Variants in SCAPER observed in about 807,000 individuals in gnomAD.
SCAPER encodes the protein S phase cyclin A-associated protein in the endoplasmic reticulum.
Under a neutral mutation model 182.2 loss-of-function variants are expected in SCAPER, and 98 were observed. The observed-to-expected ratio is 0.54, with a 90% confidence interval of 0.46 to 0.64. The LOEUF (loss-of-function observed/expected upper bound fraction) is 0.64. Among genes scored for constraint, SCAPER ranks in the 30% least tolerant of loss-of-function variants. The pLI, the probability that SCAPER is intolerant of heterozygous loss-of-function variation, is 0.00. For missense variants in SCAPER, 1,432 were observed against 1,690.0 expected, an observed-to-expected ratio of 0.85 and a Z score of 2.68; for synonymous variants, 605 against 564.6, an observed-to-expected ratio of 1.07 and a Z score of -1.01.
chr15:76,754,400 A>G (rs768509639), intron 14 of SCAPER, among the ~76,000 whole-genome samples: 34 of 152,100 alleles, frequency 2.2e-4, no homozygotes, highest in Non-Finnish European at 4.1e-4. Flanking sequence ...ATTCAAGAAA[A>G]ATAAGTAATT....
At chr15:76,367,898 T>C (rs537501169) in intron 29 of SCAPER, among the ~76,000 whole-genome samples, 59 of 152,288 alleles carry the variant, frequency 3.9e-4, no homozygotes, top group African/African-American at 1.3e-3. Context: ...AATTAAGAAT[T>C]TTTGCTCTAC....
chr15:76,467,736 T>A (rs1047507368), intron 25 of SCAPER, among the ~76,000 whole-genome samples: 2 of 152,192 alleles, frequency 1.3e-5, no homozygotes, highest in African/African-American at 4.8e-5. Context: ...GTCATTAATA[T>A]TTGCATATGC....
At chr15:76,874,085 C>T (rs936143466) in intron 2 of SCAPER, among the ~76,000 whole-genome samples, 1 of 151,922 alleles carries the variant, frequency 6.6e-6, no homozygotes, top group African/African-American at 2.4e-5. Context: ...GTAGAGACAG[C>T]GTTTCACCAC....
intron 8 of SCAPER, among the ~76,000 whole-genome samples, chr15:76,790,093 T>C (rs1217856623): frequency 3.3e-5 from 5 of 151,804 alleles, no homozygotes; most frequent in Non-Finnish European, 7.4e-5. Flanking sequence ...TAGCCAGGCG[T>C]GGTGGCGGGC....
intron 23 of SCAPER, among the ~76,000 whole-genome samples, chr15:76,542,836 G>T (rs114403446): frequency 6.6e-6 from 1 of 151,982 alleles, no homozygotes; most frequent in East Asian, 1.9e-4. Flanking sequence ...TATGTTACAC[G>T]TGCTTGATTA....
At chr15:76,371,380 C>T (rs747661412) in intron 29 of SCAPER, among the ~76,000 whole-genome samples, 2 of 149,710 alleles carry the variant, frequency 1.3e-5, no homozygotes, top group Non-Finnish European at 1.5e-5. Context: ...AGTGCAGTGG[C>T]GTGATCTCGG....
intron 3 of SCAPER, among the ~76,000 whole-genome samples, chr15:76,862,125 A>G (rs755839297): frequency 6.6e-6 from 1 of 152,214 alleles, no homozygotes. Context: ...GTGGGGAGAC[A>G]AAGCCTAAAC....
intron 21 of SCAPER, among the ~76,000 whole-genome samples, chr15:76,637,722 T>TTTTATATA (rs1555512837): frequency 1.3e-5 from 1 of 77,850 alleles, no homozygotes. Flanking sequence ...ATATATGTGA[T>TTTTATATA]TATATATATA....
chr15:76,791,735 C>G (rs2065019434), intron 8 of SCAPER, among the ~76,000 whole-genome samples: 1 of 151,826 alleles, frequency 6.6e-6, no homozygotes, highest in African/African-American at 2.4e-5. Flanking sequence ...ATGAGCTAAG[C>G]TGATATTGTA....
intron 23 of SCAPER, among the ~76,000 whole-genome samples, chr15:76,535,869 T>G (rs2044115744): frequency 6.6e-6 from 1 of 152,202 alleles, no homozygotes; most frequent in Non-Finnish European, 1.5e-5. Context: ...CTGGTCTCAG[T>G]AGTCATAGGG....
At chr15:76,734,259 G>A (rs1278254051) in intron 15 of SCAPER, among the ~76,000 whole-genome samples, 1 of 152,114 alleles carries the variant, frequency 6.6e-6, no homozygotes, top group East Asian at 1.9e-4. Context: ...TATGAGTAAA[G>A]GATAGCTAAT....
intron 4 of SCAPER, among the ~76,000 whole-genome samples, chr15:76,843,291 A>G (rs1160606081): frequency 6.6e-6 from 1 of 152,216 alleles, no homozygotes; most frequent in Non-Finnish European, 1.5e-5. Context: ...CAAAGATTCC[A>G]GAAGGGCAGA....
At chr15:76,425,654 G>T (rs1222505780) in intron 26 of SCAPER, among the ~76,000 whole-genome samples, 1 of 152,202 alleles carries the variant, frequency 6.6e-6, no homozygotes, top group Non-Finnish European at 1.5e-5. Context: ...TTCCGTTGCT[G>T]ATGAGGAGCT....
chr15:76,542,304 T>C (rs987491420), intron 23 of SCAPER, among the ~76,000 whole-genome samples: 4 of 151,796 alleles, frequency 2.6e-5, no homozygotes, highest in Non-Finnish European at 4.4e-5. Flanking sequence ...AGGCAGATCA[T>C]TTGAGGTCAG....
chr15:76,811,302 G>A (rs865796561), intron 5 of SCAPER, among the ~76,000 whole-genome samples: 3 of 151,990 alleles, frequency 2.0e-5, no homozygotes, highest in Admixed American at 6.5e-5. Flanking sequence ...TTTTCCAACC[G>A]CAATTGAATG....
chr15:76,355,934 AATGG>A (rs2040931499), intron 29 of SCAPER, among the ~76,000 whole-genome samples: 1 of 152,214 alleles, frequency 6.6e-6, no homozygotes, highest in Non-Finnish European at 1.5e-5. Flanking sequence ...AGAAGATGCA[AATGG>A]ATGTAGGCAG....
intron 5 of SCAPER, among the ~76,000 whole-genome samples, 162 bp from the exon 6 acceptor site, chr15:76,804,795 GATA>G (rs1288281735): frequency 6.6e-6 from 1 of 151,906 alleles, no homozygotes; most frequent in Non-Finnish European, 1.5e-5. Context: ...TGTTTGGTAA[GATA>G]ATAAGAAATA....
At chr15:76,789,413 T>C (rs763680807) in intron 8 of SCAPER, among the ~76,000 whole-genome samples, 30 of 152,256 alleles carry the variant, frequency 2.0e-4, no homozygotes, top group Non-Finnish European at 4.0e-4. Flanking sequence ...ACACCTTTAT[T>C]TGAAAGCTTC....
intron 7 of SCAPER, chr15:76,797,187 G>A (rs1389389452): frequency 6.6e-6 from 1 of 152,048 alleles, no homozygotes; most frequent in Non-Finnish European, 1.5e-5. Flanking sequence ...GGTTTTAACA[G>A]AAAAAAGAAA....
Sources: allele counts gnomAD v4.1 joint callset (sites outside exome capture counted in the v4.1 genomes callset), GRCh38; gene constraint gnomAD v4.1.1; transcripts MANE v1.5; gene names NCBI Gene and HGNC (gene_info 2026-07-23, HGNC 2026-07-21).